The following SOX5 variants were observed in gnomAD, a reference collection of about 807,000 sequenced individuals.
SOX5 encodes the protein SRY-box transcription factor 5.
In SOX5, 9 loss-of-function variants were observed where a neutral mutation model predicts 92.0. That is an observed-to-expected ratio of 0.10 (90% confidence interval 0.06 to 0.17). The LOEUF (loss-of-function observed/expected upper bound fraction) is 0.17, where lower values mean the gene tolerates loss of function less well. Ranked by LOEUF, SOX5 falls within the 10% of genes least tolerant of loss-of-function variation. The pLI is 1.00. For missense variants in SOX5, 642 were observed against 944.5 expected (o/e 0.68, Z 4.20); for synonymous variants, 344 against 336.3 (o/e 1.02, Z -0.25).
chr12:24,074,433 A>C (rs1377283565), intron 4 of SOX5, among the ~76,000 whole-genome samples: 1 of 152,084 alleles, frequency 6.6e-6, no homozygotes, highest in Non-Finnish European at 1.5e-5. Context: ...ATGATTATAA[A>C]AACTAACTAC....
At chr12:23,576,293 A>G (rs1949098198) in intron 9 of SOX5, among the ~76,000 whole-genome samples, 1 of 152,156 alleles carries the variant, frequency 6.6e-6, no homozygotes, top group South Asian at 2.1e-4. Context: ...GACCACAGAT[A>G]GTTGTGTGCC....
chr12:23,758,008 C>CAAAAAAAAAAAAAA (rs34841595), intron 3 of SOX5, among the ~76,000 whole-genome samples: 1 of 68,218 alleles, frequency 1.5e-5, no homozygotes. Flanking sequence ...GCACACACTA[C>CAAAAAAAAAAAAAA]AAAAAAAAAA....
intron 9 of SOX5, among the ~76,000 whole-genome samples, chr12:23,586,971 A>G (rs115870694): frequency 0.021 from 3,201 of 151,216 alleles, 103 homozygotes; most frequent in African/African-American, 0.073. Context: ...CCCTACACCA[A>G]AAGAAATGCT....
At chr12:23,870,538 G>T (rs2096861386) in intron 2 of SOX5, among the ~76,000 whole-genome samples, 1 of 152,134 alleles carries the variant, frequency 6.6e-6, no homozygotes, top group African/African-American at 2.4e-5. Flanking sequence ...AAGGCAAATT[G>T]TAAGGAGTAA....
chr12:23,807,806 C>T (rs2095807083), intron 3 of SOX5, among the ~76,000 whole-genome samples: 2 of 151,862 alleles, frequency 1.3e-5, no homozygotes. Context: ...CACCACCATG[C>T]CCGGCTAATT....
intron 4 of SOX5, among the ~76,000 whole-genome samples, chr12:24,202,285 T>C (rs1300717156): frequency 4.6e-5 from 7 of 152,206 alleles, no homozygotes; most frequent in Admixed American, 1.3e-4. Context: ...ATAATAAAGA[T>C]GAATGGATAA....
chr12:23,786,262 A>T lies in SOX5; in HGVS notation c.482-30538T>A, dbSNP rs77352349. On this transcript the variant is annotated intron_variant, in intron 3 of 14. Transcript: ENST00000451604. ...TTCCACTTACAAATATTAAAAAACA[A>T]ATTTTATATTCTTGGTAATAGATTT... Among the ~76,000 whole-genome samples the T allele has an allele frequency of 2.5e-3, 376 of 152,126 alleles. 2 individuals are homozygous for T. The highest frequency in any genetic ancestry group is 0.01 in the Middle Eastern group (3 of 294).
At chr12:23,689,526 T>G (rs960680060) in intron 6 of SOX5, among the ~76,000 whole-genome samples, 21 of 152,188 alleles carry the variant, frequency 1.4e-4, no homozygotes, top group African/African-American at 4.8e-4. Flanking sequence ...TAATTCTAAT[T>G]AATCTCTGGA....
chr12:24,471,500 G>A (rs1168882164), intron 1 of SOX5, among the ~76,000 whole-genome samples: 2 of 152,154 alleles, frequency 1.3e-5, no homozygotes, highest in Non-Finnish European at 2.9e-5. Context: ...TACTGTAGAT[G>A]ATAAAGATGT....
rs552565156 is a variant in SOX5, at chr12:24,170,448, G to A, written c.-2+42895C>T. Among the ~76,000 whole-genome samples the A allele has an allele frequency of 5.9e-5, 9 of 152,240 alleles. No homozygotes were observed. In the South Asian group the frequency reaches 1.9e-3, roughly 32 times the overall value. Reference sequence around the variant, plus strand: ...CAGAAGTCACTGCTCTTCTCGATAAGGAAAACCTGATTTTACCCTCAGACA... The same window carrying A: ...CAGAAGTCACTGCTCTTCTCGATAAAGAAAACCTGATTTTACCCTCAGACA... On this transcript the variant is annotated intron_variant, in intron 4 of 4. Coordinates refer to the SOX5 transcript ENST00000446891.
chr12:24,061,056 G>C (rs1325787324), intron 4 of SOX5, among the ~76,000 whole-genome samples: 9 of 152,026 alleles, frequency 5.9e-5, no homozygotes, highest in African/African-American at 2.2e-4. Context: ...TGTGTGGGAA[G>C]AGCTCAAGGT....
At chr12:24,315,827 C>A (rs1019133957) in intron 2 of SOX5, among the ~76,000 whole-genome samples, 2 of 152,206 alleles carry the variant, frequency 1.3e-5, no homozygotes, top group African/African-American at 4.8e-5. Context: ...ATTCTGAAGG[C>A]CTTAGGCTCA....
intron 11 of SOX5, among the ~76,000 whole-genome samples, chr12:23,554,731 T>G (rs149708643): frequency 0.011 from 1,681 of 152,230 alleles, 35 homozygotes; most frequent in African/African-American, 0.038. Context: ...AGAGATGTGA[T>G]TGGAAAGATT....
chr12:24,213,419 T>TAAAAAAAAAAAAAAAA (rs67296842), intron 3 of SOX5: 8 of 96,862 alleles, frequency 8.3e-5, no homozygotes, highest in Non-Finnish European at 1.2e-4. Flanking sequence ...CTTGAAATGC[T>TAAAAAAAAAAAAAAAA]AAAAAAAAAA....
intron 3 of SOX5, among the ~76,000 whole-genome samples, chr12:23,845,053 T>C (rs978502040): frequency 6.6e-6 from 1 of 152,232 alleles, no homozygotes; most frequent in Non-Finnish European, 1.5e-5. Context: ...CTGTCACATA[T>C]ACAGGATAAC....
chr12:24,062,352 GATAGTTT>G (rs1252080104), intron 4 of SOX5, among the ~76,000 whole-genome samples: 1 of 152,200 alleles, frequency 6.6e-6, no homozygotes, highest in Non-Finnish European at 1.5e-5. Context: ...CTTTACCATT[GATAGTTT>G]ATGGTTTGTG....
intron 2 of SOX5, among the ~76,000 whole-genome samples, chr12:24,336,984 G>A (rs1595714530): frequency 6.6e-6 from 1 of 152,176 alleles, no homozygotes; most frequent in East Asian, 1.9e-4. Flanking sequence ...AACCAAATTT[G>A]TGCAGTAGAA....
intron 3 of SOX5, among the ~76,000 whole-genome samples, chr12:23,779,552 A>C (rs576331850): frequency 6.6e-6 from 1 of 151,716 alleles, no homozygotes; most frequent in Admixed American, 6.6e-5. Flanking sequence ...TTTAATATGC[A>C]CACCTATAAT....
At chr12:23,883,073 C>CA (rs113453106) in intron 2 of SOX5, among the ~76,000 whole-genome samples, 8,544 of 151,562 alleles carry the variant, frequency 0.056, 809 homozygotes, top group African/African-American at 0.2. Context: ...CCCAGCTACT[C>CA]AGGAGGCTGC....
Sources: allele counts gnomAD v4.1 joint callset (sites outside exome capture counted in the v4.1 genomes callset), GRCh38; gene constraint gnomAD v4.1.1; transcripts MANE v1.5; gene names NCBI Gene and HGNC (gene_info 2026-07-23, HGNC 2026-07-21).